Variants in SEC61A1 observed in about 807,000 individuals in gnomAD.
The protein encoded by SEC61A1 is SEC61 translocon subunit alpha 1, also known as protein transport protein Sec61 subunit alpha isoform 1.
Under a neutral mutation model 55.2 loss-of-function variants are expected in SEC61A1, and 15 were observed. The ratio of observed to expected loss-of-function variants is 0.27; its 90% CI spans 0.18 to 0.42. The LOEUF is 0.42. Ranked by LOEUF, SEC61A1 falls within the 10% of genes least tolerant of loss-of-function variation. The pLI, the probability that SEC61A1 is intolerant of heterozygous loss-of-function variation, is 1.00. For missense variants in SEC61A1, 284 were observed against 602.6 expected (o/e 0.47, Z 5.53); for synonymous variants, 247 against 234.0 (o/e 1.06, Z -0.51).
At chr3:128,054,100 A>G (rs1051527075) in intron 2 of SEC61A1, among the ~76,000 whole-genome samples, 1 of 152,258 alleles carries the variant, frequency 6.6e-6, no homozygotes, top group Non-Finnish European at 1.5e-5. Context: ...AGGGCCAGAC[A>G]TGAGAATGTC....
chr3:128,068,402 A>G (rs1942048854), intron 11 of SEC61A1, among the ~76,000 whole-genome samples: 1 of 152,180 alleles, frequency 6.6e-6, no homozygotes, highest in South Asian at 2.1e-4. Flanking sequence ...GGGGTGCTGA[A>G]GAGAGCGCCC....
chr3:128,067,963 C>T lies in SEC61A1; in HGVS notation c.1168-20C>T, dbSNP rs1359189763. On this transcript the variant is annotated intron_variant, in intron 10 of 11. Transcript: ENST00000243253. This position sits in a 1 kb window ranked among gnomAD's most constrained non-coding sequence, Gnocchi z 4.1. Reference sequence around the variant, plus strand: ...CCTTCAGCCTCCAATTCCAACTTCTCCCCTGTGGGCACCCTGCAGGTTGCA... The same window carrying T: ...CCTTCAGCCTCCAATTCCAACTTCTTCCCTGTGGGCACCCTGCAGGTTGCA... 6.2e-7 allele frequency: 1 copy of T among 1,610,710 alleles called. No individual in the cohort carries two copies. The highest frequency in any genetic ancestry group is 2.2e-5 in the East Asian group (1 of 44,870).
At chr3:128,055,854 T>C (rs1941762135) in intron 4 of SEC61A1, 103 bp downstream of exon 4, 1 of 938,128 alleles carries the variant, frequency 1.1e-6, no homozygotes, top group Non-Finnish European at 1.7e-6. Context: ...AGAGAGTGAC[T>C]TGGAAAATAG....
rs184299714 is a variant in SEC61A1 at position 128,064,790 on chromosome 3, C to A, written c.617-87C>A. ...GAGTCTAATAACTTAAGTTTGTTTT[C>A]CTCTTTTTATTTGTCTGCTAAGAAG... On this transcript the variant is annotated intron_variant, in intron 7 of 11. Coordinates refer to ENST00000243253, the MANE Select transcript of SEC61A1 (RefSeq NM_013336.4). 979 of 1,243,274 alleles carry A rather than the reference C, an allele frequency of 7.9e-4. 2 individuals are homozygous for A. Among genetic ancestry groups the A allele is most frequent in the Non-Finnish European group, 1.0e-3 (901 of 888,024 alleles). The allele number at this position is 1,243,274 out of a possible 1,614,324, so 77.0% of individuals were successfully genotyped here. A position where few individuals can be genotyped will look rare whatever the true frequency, so the allele number is the denominator to read the frequency against.
Position 128,065,019 on chromosome 3 carries a change from A to T in SEC61A1, c.759A>T (p.Ala253=). 6.2e-7 allele frequency: 1 copy of T among 1,614,248 alleles called. No homozygotes were observed. Among genetic ancestry groups the T allele is most frequent in the Non-Finnish European group, 8.5e-7 (1 of 1,180,044 alleles). The part of the protein sequence containing the change: ...MNLIATIFVF[A]VVIYFQGFRV... ...TCATCGCCACCATCTTTGTCTTTGC[A>T]GTGGTCATCTATTTCCAGGTGTGTC... Residue 253 remains alanine, a synonymous_variant, in exon 8 of 12, where the codon GCA becomes GCT. Transcript: ENST00000243253.
At chr3:128,064,406 T>C (rs1002507019) in intron 7 of SEC61A1, among the ~76,000 whole-genome samples, 2 of 151,844 alleles carry the variant, frequency 1.3e-5, no homozygotes, top group African/African-American at 4.8e-5. Flanking sequence ...TTTGGGAGGG[T>C]GAGGCGGGAG....
chr3:128,069,580 C>G lies in SEC61A1; in HGVS notation c.1349C>G (p.Ala450Gly). ...AIGSGTGILLAVTIIYQYFEI... is the reference protein window; with the variant it reads ...AIGSGTGILLGVTIIYQYFEI... ...GGGTCTGGAACCGGGATCCTGCTCG[C>G]AGTCACAATCATCTACCAGTACTTT... The change falls in exon 12 of 12, where the codon GCA (alanine) becomes GGA (glycine). Residue 450 changes from alanine to glycine, a missense_variant. Transcript: ENST00000243253. The G allele has an allele frequency of 6.2e-7, 1 of 1,614,126 alleles. No homozygotes were observed. The highest frequency in any genetic ancestry group is 8.5e-7 in the Non-Finnish European group (1 of 1,180,026).
rs373650758 is a variant in SEC61A1 at position 128,056,851 on chromosome 3, T to C, written c.352+11T>C. 7.1e-6 allele frequency: 11 copies of C among 1,555,580 alleles called. No homozygotes were observed. Among genetic ancestry groups the C allele is most frequent in the African/African-American group, 1.4e-5 (1 of 73,186 alleles). The stretch of plus-strand genomic sequence containing the variant: ...ACGGAGCCCAAAAGTGTAAGAAAGA[T>C]TGTGAATAATCTGATGTCTATAGTT... On this transcript the variant is annotated intron_variant, in intron 5 of 11. Coordinates refer to ENST00000243253, the MANE Select transcript of SEC61A1 (RefSeq NM_013336.4).
rs1271528896 is a variant in SEC61A1, at chr3:128,069,065, T to C, written c.1245-411T>C. ...CAGTAGAAGTAGAATTCAAGTCACA[T>C]GTAGTTTTTAAAATTTCTAGAAGTC... is the stretch of plus-strand genomic sequence containing the variant. On this transcript the variant is annotated intron_variant, in intron 11 of 11. Coordinates refer to ENST00000243253, the MANE Select transcript of SEC61A1 (RefSeq NM_013336.4). Among the ~76,000 whole-genome samples the C allele has an allele frequency of 2.0e-5, 3 of 152,226 alleles. No homozygotes were observed. In the East Asian group the frequency reaches 5.8e-4, roughly 29 times the overall value.
chr3:128,070,014 T>C lies in SEC61A1; in HGVS notation c.*352T>C, dbSNP rs140673880. The C allele has an allele frequency of 2.0e-4, 35 of 177,780 alleles. No homozygotes were observed. Among genetic ancestry groups the C allele is most frequent in the African/African-American group, 7.3e-4 (31 of 42,372 alleles). The allele number at this position is 177,780 out of a possible 1,614,324, so 11.0% of individuals were successfully genotyped here. ...CTCACCTGTTTCCCCACAAAGGGAATTTCTCACTCTGGTTGGAAGCACAAA... is the reference window on the plus strand; with the variant it reads ...CTCACCTGTTTCCCCACAAAGGGAACTTCTCACTCTGGTTGGAAGCACAAA... On this transcript the variant is annotated 3_prime_UTR_variant, in exon 12 of 12. Transcript: ENST00000243253.
intron 7 of SEC61A1, among the ~76,000 whole-genome samples, chr3:128,061,136 T>C (rs1300641644): frequency 6.6e-6 from 1 of 152,224 alleles, no homozygotes; most frequent in Non-Finnish European, 1.5e-5. Flanking sequence ...GGCCTGAACT[T>C]GGAGCTTAGC....
At chr3:128,065,732 A>ATTTTT (rs758640768) in intron 8 of SEC61A1, among the ~76,000 whole-genome samples, 3,218 of 97,320 alleles carry the variant, frequency 0.033, 160 homozygotes, top group Non-Finnish European at 0.045. Context: ...ATCATTAAGA[A>ATTTTT]TTTTTTTTTT....
At chr3:128,052,434 A>G (rs981605086), upstream of SEC61A1, 203 of 1,404,414 alleles carry the variant, frequency 1.4e-4, no homozygotes, top group Non-Finnish European at 3.0e-5. Context: ...CCGGGCTAGC[A>G]CTGACGTGTC....
chr3:128,054,937 T>G (rs528403253), intron 2 of SEC61A1, among the ~76,000 whole-genome samples: 9 of 152,332 alleles, frequency 5.9e-5, no homozygotes, highest in Non-Finnish European at 1.3e-4. Flanking sequence ...GTGAAAATCC[T>G]TAAACAAATG....
intron 5 of SEC61A1, among the ~76,000 whole-genome samples, chr3:128,059,766 G>A (rs150033150): frequency 2.4e-4 from 37 of 152,088 alleles, no homozygotes; most frequent in African/African-American, 8.7e-4. Context: ...TTGTGTCTCC[G>A]GATGCTGTCA....
intron 6 of SEC61A1, 43 bp from the exon 7 acceptor site, chr3:128,060,465 G>A (rs1941835555): frequency 6.2e-7 from 1 of 1,602,020 alleles, no homozygotes; most frequent in Non-Finnish European, 8.5e-7. Context: ...CCATGTCCGT[G>A]GGGAGCAGTA....
At chr3:128,065,988 C>T (rs190476499) in intron 8 of SEC61A1, among the ~76,000 whole-genome samples, 16 of 152,048 alleles carry the variant, frequency 1.1e-4, no homozygotes, top group Non-Finnish European at 1.9e-4. Context: ...GTGATCCGCC[C>T]GCCTCCACAT....
chr3:128,059,988 C>G, intron 5 of SEC61A1, 114 bp from the exon 6 acceptor site: 1 of 738,804 alleles, frequency 1.4e-6, no homozygotes, highest in East Asian at 2.5e-5. Context: ...GGTAGTATCA[C>G]TGCTCTTCAT....
chr3:128,052,919 G>A lies in SEC61A1; in HGVS notation c.75+17G>A, dbSNP rs971017886. 9.4e-6 allele frequency: 15 copies of A among 1,601,356 alleles called. No individual in the cohort carries two copies. Among genetic ancestry groups the A allele is most frequent in the Non-Finnish European group, 1.3e-5 (15 of 1,171,828 alleles). The stretch of plus-strand genomic sequence containing the variant: ...GAGAGGAAGGTAAGTACCCCAAATC[G>A]CCAACAAAGAAGGTTTCAGGAAACT... On this transcript the variant is annotated intron_variant, in intron 2 of 11. Transcript: ENST00000243253.
Sources: allele counts gnomAD v4.1 joint callset (sites outside exome capture counted in the v4.1 genomes callset), GRCh38; gene constraint gnomAD v4.1.1; non-coding constraint Gnocchi (gnomAD v3.1); transcripts MANE v1.5; gene names NCBI Gene and HGNC (gene_info 2026-07-23, HGNC 2026-07-21).